The following STAC variants were observed in gnomAD, a reference collection of about 807,000 sequenced individuals.
STAC encodes SH3 and cysteine rich domain, also known as SH3 and cysteine-rich domain-containing protein.
A neutral mutation model predicts 48.8 loss-of-function variants in STAC; 43 were observed. The observed-to-expected ratio is 0.88, with a 90% CI of 0.69 to 1.14. STAC has a LOEUF of 1.14. Ranked by LOEUF, STAC falls within the 50% of genes most tolerant of loss-of-function variation. The pLI is 0.00. For synonymous variants in STAC, 193 were observed against 179.5 expected, an observed-to-expected ratio of 1.07 and a Z score of -0.60; for missense variants, 497 against 504.0, an observed-to-expected ratio of 0.99 and a Z score of 0.13.
At chr3:36,406,494 C>T (rs73059908) in intron 1 of STAC, among the ~76,000 whole-genome samples, 2,751 of 152,304 alleles carry the variant, frequency 0.018, 51 homozygotes, top group Non-Finnish European at 0.025. Flanking sequence ...TCACTGCGAA[C>T]CTGCAGCCAA....
intron 1 of STAC, among the ~76,000 whole-genome samples, chr3:36,382,720 G>C (rs1022444791): frequency 1.3e-5 from 2 of 152,194 alleles, no homozygotes; most frequent in African/African-American, 4.8e-5. Context: ...AGGGAGGAAC[G>C]TGTGGTAAGG....
intron 3 of STAC, among the ~76,000 whole-genome samples, 199 bp from the exon 4 acceptor site, chr3:36,484,778 C>G (rs1697756103): frequency 6.6e-6 from 1 of 152,184 alleles, no homozygotes; most frequent in South Asian, 2.1e-4. Flanking sequence ...TAGAGTGTAA[C>G]TTGCTAGTTG....
intron 1 of STAC, among the ~76,000 whole-genome samples, chr3:36,436,929 G>GA: frequency 6.6e-6 from 1 of 151,232 alleles, no homozygotes; most frequent in South Asian, 2.1e-4. Context: ...AAATTTACAA[G>GA]AAAAAAACAA....
At chr3:36,382,471 T>C (rs1437755612) in intron 1 of STAC, among the ~76,000 whole-genome samples, 4 of 152,216 alleles carry the variant, frequency 2.6e-5, no homozygotes, top group Non-Finnish European at 5.9e-5. Context: ...ATCTGGCTTA[T>C]GGTTTTGTAC....
At chr3:36,423,188 G>A (rs1338322695) in intron 1 of STAC, among the ~76,000 whole-genome samples, 1 of 152,000 alleles carries the variant, frequency 6.6e-6, no homozygotes, top group Non-Finnish European at 1.5e-5. Flanking sequence ...ATATACACAG[G>A]CTTAAGGCCG....
At chr3:36,383,275 T>C (rs1699551722) in intron 1 of STAC, among the ~76,000 whole-genome samples, 1 of 152,214 alleles carries the variant, frequency 6.6e-6, no homozygotes, top group Non-Finnish European at 1.5e-5. Flanking sequence ...ATTCTGTTAA[T>C]ATTTCTATTT....
intron 1 of STAC, among the ~76,000 whole-genome samples, chr3:36,395,750 C>A (rs1348287595): frequency 6.6e-6 from 1 of 152,154 alleles, no homozygotes; most frequent in Non-Finnish European, 1.5e-5. Flanking sequence ...AAGCTCTTCT[C>A]TTCTATGTTG....
intron 2 of STAC, among the ~76,000 whole-genome samples, chr3:36,481,948 G>A (rs1209000413): frequency 6.6e-6 from 1 of 152,194 alleles, no homozygotes; most frequent in Admixed American, 6.5e-5. Context: ...TCATGGTAAA[G>A]GAGGAGGGAT....
intron 1 of STAC, among the ~76,000 whole-genome samples, chr3:36,426,584 C>A (rs529249705): frequency 3.6e-4 from 55 of 152,090 alleles, no homozygotes; most frequent in African/African-American, 1.3e-3. Flanking sequence ...TTTTTTCAAG[C>A]CAGAGATTTT....
At chr3:36,454,935 A>T (rs1040011972) in intron 2 of STAC, among the ~76,000 whole-genome samples, 4 of 152,130 alleles carry the variant, frequency 2.6e-5, no homozygotes, top group African/African-American at 9.7e-5. Context: ...CTGTGTAGAG[A>T]TGATCTTTCA....
chr3:36,412,805 TG>T (rs1415906971), intron 1 of STAC, among the ~76,000 whole-genome samples: 1 of 152,222 alleles, frequency 6.6e-6, no homozygotes, highest in Non-Finnish European at 1.5e-5. Context: ...TTAATTCCTA[TG>T]GTTTTGCAGT....
intron 10 of STAC, among the ~76,000 whole-genome samples, chr3:36,534,385 G>A (rs768974861): frequency 5.9e-5 from 9 of 152,094 alleles, no homozygotes; most frequent in Non-Finnish European, 1.0e-4. Flanking sequence ...CATCTGCAGT[G>A]GTTAATGCCA....
chr3:36,388,971 C>T (rs938616020), intron 1 of STAC, among the ~76,000 whole-genome samples: 11 of 152,100 alleles, frequency 7.2e-5, no homozygotes, highest in Admixed American at 4.6e-4. Context: ...CTCAACTTTT[C>T]GTTTTCTACC....
At position 36,448,157 on chromosome 3, in the gene STAC, AATTTT is replaced by A. The variant is rs368503712; in HGVS notation, c.388+4544_388+4548del. On this transcript the variant is annotated intron_variant, in intron 2 of 10. Coordinates refer to ENST00000273183, the MANE Select transcript of STAC (RefSeq NM_003149.3). ...AGAATCCTACTAATTATGGTCACAG[AATTTT>A]ATTTTATTTTATTTTATTTTATTTT... 5.4e-3 allele frequency among the ~76,000 whole-genome samples: 797 copies of A among 148,300 alleles called. 6 individuals carry two copies. The highest frequency in any genetic ancestry group is 0.016 in the African/African-American group (645 of 40,516).
intron 1 of STAC, among the ~76,000 whole-genome samples, chr3:36,388,721 A>G (rs958436781): frequency 2.0e-5 from 3 of 151,988 alleles, no homozygotes; most frequent in Non-Finnish European, 4.4e-5. Flanking sequence ...CATTTGTTGA[A>G]TAATTTATTC....
At chr3:36,504,711 ATATAT>A (rs1318613307) in intron 7 of STAC, among the ~76,000 whole-genome samples, 1 of 151,378 alleles carries the variant, frequency 6.6e-6, no homozygotes, top group Non-Finnish European at 1.5e-5. Flanking sequence ...GAATTATATA[ATATAT>A]TATCACTGTA....
chr3:36,396,878 C>T (rs933617678), intron 1 of STAC, among the ~76,000 whole-genome samples: 22 of 152,102 alleles, frequency 1.4e-4, no homozygotes, highest in African/African-American at 4.8e-4. Context: ...CTGTTCTCTC[C>T]TAGTTCTTGT....
chr3:36,494,790 G>T (rs925824539), intron 6 of STAC, among the ~76,000 whole-genome samples: 4 of 152,206 alleles, frequency 2.6e-5, no homozygotes, highest in African/African-American at 4.8e-5. Context: ...AAATTAGAGG[G>T]TATTGGCTTC....
intron 2 of STAC, among the ~76,000 whole-genome samples, chr3:36,466,872 T>A (rs1559502518): frequency 6.6e-6 from 1 of 152,014 alleles, no homozygotes; most frequent in Non-Finnish European, 1.5e-5. Flanking sequence ...GGCTAGGTCT[T>A]CCACTACTAT....
Sources: allele counts gnomAD v4.1 joint callset (sites outside exome capture counted in the v4.1 genomes callset), GRCh38; gene constraint gnomAD v4.1.1; transcripts MANE v1.5; gene names NCBI Gene and HGNC (gene_info 2026-07-23, HGNC 2026-07-21).